Variants in TMC1 observed in about 807,000 individuals in gnomAD.
TMC1 encodes the protein transmembrane channel like 1.
Under a neutral mutation model 105.8 loss-of-function variants are expected in TMC1, and 84 were observed. The ratio of observed to expected loss-of-function variants is 0.79; its 90% CI spans 0.67 to 0.95. TMC1 has a LOEUF of 0.95. TMC1 is among the 40% of genes least tolerant of loss of function. TMC1 has a pLI of 0.00. For synonymous variants in TMC1, 315 were observed against 311.5 expected (o/e 1.01, Z -0.12); for missense variants, 817 against 914.1 (o/e 0.89, Z 1.37).
At chr9:72,771,665 A>G (rs965819309) in intron 12 of TMC1, among the ~76,000 whole-genome samples, 8 of 152,210 alleles carry the variant, frequency 5.3e-5, no homozygotes, top group East Asian at 1.9e-4. Context: ...CAGTGCTTCA[A>G]TGCTGAAAGT....
intron 8 of TMC1, among the ~76,000 whole-genome samples, chr9:72,720,483 G>T (rs918251479): frequency 2.0e-5 from 3 of 152,210 alleles, no homozygotes; most frequent in Non-Finnish European, 4.4e-5. Flanking sequence ...CGTGTGCCCT[G>T]TCTCTCTCAT....
chr9:72,595,401 G>A (rs981347452), intron 2 of TMC1, among the ~76,000 whole-genome samples: 1 of 152,098 alleles, frequency 6.6e-6, no homozygotes, highest in African/African-American at 2.4e-5. Context: ...CACATAACAT[G>A]GAACATAATC....
intron 23 of TMC1, among the ~76,000 whole-genome samples, chr9:72,835,359 T>TCC (rs202189966): frequency 0.086 from 13,106 of 152,254 alleles, 678 homozygotes; most frequent in Non-Finnish European, 0.13. Flanking sequence ...TTAGTGAGAA[T>TCC]TTATTAGAAT....
At chr9:72,530,852 A>T (rs1823488464) in intron 1 of TMC1, among the ~76,000 whole-genome samples, 4 of 131,110 alleles carry the variant, frequency 3.1e-5, no homozygotes, top group African/African-American at 5.8e-5. Context: ...GTGGAGTCTT[A>T]CTCTGTCACC....
rs576201736 is a variant in TMC1, at chr9:72,837,362, T to G, written c.*1389T>G. ...GCCACTAATTATTATTTTAGAGAGATAGTTTAACCACCACCTGACCATCAC... is the reference window on the plus strand; with the variant it reads ...GCCACTAATTATTATTTTAGAGAGAGAGTTTAACCACCACCTGACCATCAC... On this transcript the variant is annotated 3_prime_UTR_variant, in exon 24 of 24. Transcript: ENST00000297784. The G allele has an allele frequency of 2.2e-4, 34 of 152,204 alleles. 1 individual carries two copies. The highest frequency in any genetic ancestry group is 7.7e-4 in the African/African-American group (32 of 41,512). The allele number at this position is 152,204 out of a possible 1,614,324, so 9.4% of individuals were successfully genotyped here. A position where few individuals can be genotyped will look rare whatever the true frequency, so the allele number is the denominator to read the frequency against.
intron 8 of TMC1, among the ~76,000 whole-genome samples, chr9:72,713,999 T>A (rs949986683): frequency 6.6e-6 from 1 of 152,186 alleles, no homozygotes; most frequent in African/African-American, 2.4e-5. Flanking sequence ...AAGAACATCT[T>A]TATTTGTGCC....
At position 72,820,889 on chromosome 9, in the gene TMC1, G is replaced by A. The variant is rs1484356573; in HGVS notation, c.1811G>A (p.Arg604Gln). The change falls in exon 20 of 24, where the codon CGA (arginine) becomes CAA (glutamine). Residue 604 changes from arginine to glutamine, a missense_variant. Coordinates refer to ENST00000297784, the MANE Select transcript of TMC1 (RefSeq NM_138691.3). Reference sequence around the variant, plus strand: ...AGCCTCCCAGGCATCAATATCCTTCGACTCCATACATCCATGTACTTCCAG... The same window carrying A: ...AGCCTCCCAGGCATCAATATCCTTCAACTCCATACATCCATGTACTTCCAG... Reference protein sequence around the residue: ...APSLPGINILRLHTSMYFQCW... With the variant: ...APSLPGINILQLHTSMYFQCW... 53 of 1,614,066 alleles carry A rather than the reference G, an allele frequency of 3.3e-5. No individual in the cohort carries two copies. The highest frequency in any genetic ancestry group is 1.6e-4 in the Middle Eastern group (1 of 6,062).
chr9:72,772,235 G>A (rs1220566779), intron 12 of TMC1, among the ~76,000 whole-genome samples, 178 bp from the exon 13 acceptor site: 3 of 152,178 alleles, frequency 2.0e-5, no homozygotes, highest in African/African-American at 4.8e-5. Context: ...CTGAAAAGCT[G>A]CCAATCAACA....
At chr9:72,753,286 CTTTTTTTT>C (rs5898269) in intron 11 of TMC1, among the ~76,000 whole-genome samples, 1 of 81,828 alleles carries the variant, frequency 1.2e-5, no homozygotes, top group African/African-American at 5.3e-5. Flanking sequence ...TTAACCCCAG[CTTTTTTTT>C]TTTTTTTTTT....
At chr9:72,671,265 C>T (rs555418999) in intron 5 of TMC1, among the ~76,000 whole-genome samples, 121 of 152,254 alleles carry the variant, frequency 7.9e-4, no homozygotes, top group Non-Finnish European at 1.4e-3. Flanking sequence ...GACCTTTTGT[C>T]GTGAGAGACA....
intron 18 of TMC1, among the ~76,000 whole-genome samples, chr9:72,807,254 A>G (rs56012433): frequency 1.3e-5 from 2 of 152,132 alleles, no homozygotes; most frequent in African/African-American, 4.8e-5. Flanking sequence ...AAAGAGAGGG[A>G]GAGGGAGACC....
intron 8 of TMC1, among the ~76,000 whole-genome samples, chr9:72,715,869 C>T (rs2589634): frequency 0.56 from 84,604 of 151,994 alleles, 24,620 homozygotes; most frequent in African/African-American, 0.74. Flanking sequence ...TCAGCCTTTT[C>T]GCACTGGTTT....
chr9:72,544,899 G>A (rs959001369), intron 1 of TMC1, among the ~76,000 whole-genome samples: 1 of 151,134 alleles, frequency 6.6e-6, no homozygotes, highest in African/African-American at 2.4e-5. Flanking sequence ...CCTGAGCAGC[G>A]TACACTCTAC....
intron 17 of TMC1, among the ~76,000 whole-genome samples, chr9:72,804,715 A>G (rs1828540031): frequency 2.0e-5 from 3 of 152,218 alleles, no homozygotes; most frequent in African/African-American, 4.8e-5. Context: ...TTTCTTCCCA[A>G]CGTTGTGCCC....
intron 18 of TMC1, among the ~76,000 whole-genome samples, chr9:72,810,138 A>T (rs1469254053): frequency 2.4e-5 from 3 of 124,238 alleles, no homozygotes; most frequent in African/African-American, 9.9e-5. Context: ...GCATAGATTA[A>T]AAAAAAAAAA....
intron 4 of TMC1, among the ~76,000 whole-genome samples, chr9:72,641,660 G>A (rs924870830): frequency 1.2e-4 from 14 of 114,400 alleles, no homozygotes; most frequent in East Asian, 9.9e-4. Context: ...CCTTGTGCCC[G>A]TGCATTCATC....
chr9:72,549,776 G>A (rs908957095), intron 1 of TMC1, among the ~76,000 whole-genome samples: 20 of 152,064 alleles, frequency 1.3e-4, no homozygotes, highest in Non-Finnish European at 2.5e-4. Context: ...ATGCCCGGCT[G>A]ATTTTTGTAT....
intron 12 of TMC1, among the ~76,000 whole-genome samples, chr9:72,770,420 T>G (rs1362188705): frequency 1.9e-5 from 2 of 105,406 alleles, no homozygotes; most frequent in Admixed American, 8.9e-5. Context: ...ATTTGTTGGG[T>G]TTTTTTTTTT....
At chr9:72,719,802 G>A (rs926984861) in intron 8 of TMC1, among the ~76,000 whole-genome samples, 10 of 152,120 alleles carry the variant, frequency 6.6e-5, no homozygotes, top group African/African-American at 2.4e-4. Context: ...GTACTTTACA[G>A]GTATCTTGAG....
Sources: allele counts gnomAD v4.1 joint callset (sites outside exome capture counted in the v4.1 genomes callset), GRCh38; gene constraint gnomAD v4.1.1; transcripts MANE v1.5; gene names NCBI Gene and HGNC (gene_info 2026-07-23, HGNC 2026-07-21).